The following HMCN2 variants were observed in gnomAD, a reference collection of about 807,000 sequenced individuals.
The protein encoded by HMCN2 is hemicentin 2.
In HMCN2, 325 loss-of-function variants were observed where a neutral mutation model predicts 377.5. That is an observed-to-expected ratio of 0.86 (90% CI 0.79 to 0.94). The LOEUF (loss-of-function observed/expected upper bound fraction) is 0.94, where lower values mean the gene tolerates loss of function less well. HMCN2 is among the 40% of genes least tolerant of loss of function. HMCN2 has a pLI of 0.00. For synonymous variants in HMCN2, 2,007 were observed against 2,046.8 expected, an observed-to-expected ratio of 0.98 and a Z score of 0.53; for missense variants, 4,543 against 4,725.3, an observed-to-expected ratio of 0.96 and a Z score of 1.13.
At chr9:130,324,616 G>A (rs1838030105) in intron 19 of HMCN2, among the ~76,000 whole-genome samples, 2 of 151,934 alleles carry the variant, frequency 1.3e-5, no homozygotes, top group East Asian at 3.9e-4. Flanking sequence ...TTCCCTCTTA[G>A]TGGTTTTTTA....
At chr9:130,376,785 C>T (rs1379355794) in intron 52 of HMCN2, 127 bp downstream of exon 52, 1 of 348,988 alleles carries the variant, frequency 2.9e-6, no homozygotes, top group South Asian at 1.2e-4. Flanking sequence ...GCCCCAGTCA[C>T]CCTTTATTTA....
At chr9:130,397,774 C>A in intron 74 of HMCN2, 119 bp downstream of exon 74, 1 of 921,562 alleles carries the variant, frequency 1.1e-6, no homozygotes, top group Non-Finnish European at 1.4e-6. Flanking sequence ...TGTTTTTGAC[C>A]ATGAAGCCCA....
intron 82 of HMCN2, chr9:130,407,264 AG>A: frequency 5.7e-6 from 1 of 174,184 alleles, no homozygotes; most frequent in Non-Finnish European, 1.2e-5. Flanking sequence ...AAAAAAAAAA[AG>A]AAACCTTCTC....
intron 73 of HMCN2, 60 bp from the exon 74 acceptor site, chr9:130,397,468 C>G: frequency 7.9e-7 from 1 of 1,267,752 alleles, no homozygotes; most frequent in Non-Finnish European, 1.0e-6. Context: ...TTGCTAGAGA[C>G]AGCCTTGCTC....
chr9:130,308,942 G>A lies in HMCN2; in HGVS notation c.2201-970G>A, dbSNP rs1336465081. Among the ~76,000 whole-genome samples the A allele has an allele frequency of 6.6e-6, 1 of 152,238 alleles. No homozygotes were observed. The highest frequency in any genetic ancestry group is 1.5e-5 in the Non-Finnish European group (1 of 68,052). On this transcript the variant is annotated intron_variant, in intron 14 of 97. Transcript: ENST00000683500. The surrounding 1 kb of genome is among the most constrained non-coding windows in gnomAD (Gnocchi z 4.1). ...AGTGGTGTTCGCCAGGGACTGGGGA[G>A]AGGAGAACACCAGGAGTTAGTGTTG...
intron 15 of HMCN2, among the ~76,000 whole-genome samples, chr9:130,315,729 G>A (rs970278518): frequency 9.2e-5 from 14 of 152,142 alleles, no homozygotes; most frequent in Non-Finnish European, 1.8e-4. Context: ...CCGACCATCA[G>A]GCTGCTGGCC....
rs1839589887 is a variant in HMCN2 at position 130,349,608 on chromosome 9, C to T, written c.4375C>T (p.Gln1459Ter). 7.7e-7 allele frequency: 1 copy of T among 1,303,992 alleles called. No individual in the cohort carries two copies. Among genetic ancestry groups the T allele is most frequent in the South Asian group, 1.2e-5 (1 of 81,024 alleles). The allele number at this position is 1,303,992 out of a possible 1,614,324, so 80.8% of individuals were successfully genotyped here. ...ATTGGCCGGTGCAGACGTGGAGCTG[C>T]AGTGTTGGACCTCAGGGGTCCCCAC... ...LGLAGADVEL[Q>*]CWTSGVPTPQ... is the part of the protein sequence containing the mutation. The change falls in exon 29 of 98, where the codon CAG becomes TAG. Residue 1459 changes from glutamine to a stop codon, truncating the protein, a stop_gained. Coordinates refer to ENST00000683500, the MANE Select transcript of HMCN2 (RefSeq NM_001291815.2). LOFTEE classifies it high-confidence loss of function.
rs192774403 is a variant in HMCN2, at chr9:130,281,822, G to A, written c.260-2781G>A. Among the ~76,000 whole-genome samples the A allele has an allele frequency of 8.6e-5, 13 of 151,242 alleles. No individual in the cohort carries two copies. The East Asian group carries it at 1.8e-3, about 20-fold the overall frequency. On this transcript the variant is annotated intron_variant, in intron 1 of 97. Coordinates refer to ENST00000683500, the MANE Select transcript of HMCN2 (RefSeq NM_001291815.2). ...GGAGAATCACCTGAACCCAGGAGGC[G>A]GAGGCTGCAGTGAGCCGAGATTGCA...
At chr9:130,355,428 C>A (rs531394115) in intron 32 of HMCN2, among the ~76,000 whole-genome samples, 10 of 152,358 alleles carry the variant, frequency 6.6e-5, no homozygotes, top group African/African-American at 1.7e-4. Context: ...ATTGCTGAAG[C>A]ATCTCAGGTC....
chr9:130,293,183 G>A (rs1835896678), intron 4 of HMCN2, among the ~76,000 whole-genome samples: 1 of 149,628 alleles, frequency 6.7e-6, no homozygotes, highest in South Asian at 2.1e-4. Flanking sequence ...TGAAAATATT[G>A]ACATCTTTAC....
chr9:130,362,047 C>G lies in HMCN2; in HGVS notation c.5990C>G (p.Pro1997Arg). Residue 1997 changes from proline to arginine, a missense_variant, in exon 39 of 98, where the codon CCT becomes CGT. Pro to Arg is a moderately radical substitution (Grantham distance 103, BLOSUM62 -2). This residue lies in a region of HMCN2 where 1,032 missense variants were observed against 1,285.1 expected (regional missense o/e 0.80). Transcript: ENST00000683500. ...RITLPPSLPG[P>R]VLVNTPVRLT... is the part of the protein sequence containing the mutation. ...ACACTGCCACCCAGCCTGCCAGGCCCTGTGTTGGTCAACACCCCTGTCCGG... is the reference window on the plus strand; with the variant it reads ...ACACTGCCACCCAGCCTGCCAGGCCGTGTGTTGGTCAACACCCCTGTCCGG... The G allele has an allele frequency of 1.0e-6, 1 of 986,248 alleles. No individual in the cohort carries two copies. Among genetic ancestry groups the G allele is most frequent in the Non-Finnish European group, 1.2e-6 (1 of 830,198 alleles). The allele number at this position is 986,248 out of a possible 1,614,324, so 61.1% of individuals were successfully genotyped here.
intron 43 of HMCN2, 99 bp downstream of exon 43, chr9:130,366,094 A>G: frequency 2.2e-6 from 2 of 898,508 alleles, no homozygotes; most frequent in Non-Finnish European, 2.7e-6. Context: ...CCTAGCTGAG[A>G]TGGGGGGGTC....
intron 27 of HMCN2, 80 bp downstream of exon 27, chr9:130,348,755 G>C (rs922940878): frequency 1.6e-6 from 2 of 1,278,566 alleles, no homozygotes; most frequent in African/African-American, 3.0e-5. Flanking sequence ...ATTTCTGCGT[G>C]TGCCAAGGTG....
At chr9:130,426,760 A>T (rs1385573342) in intron 90 of HMCN2, among the ~76,000 whole-genome samples, 1 of 143,564 alleles carries the variant, frequency 7.0e-6, no homozygotes. Context: ...ATTTTTTGTG[A>T]TTTTTTTTTT....
intron 95 of HMCN2, chr9:130,430,815 A>G: frequency 1.7e-6 from 1 of 575,506 alleles, no homozygotes; most frequent in Non-Finnish European, 3.0e-6. Context: ...GATGGTGTGG[A>G]CTATTTTTTA....
intron 25 of HMCN2, among the ~76,000 whole-genome samples, chr9:130,344,662 GGTGT>G (rs1839245185): frequency 3.3e-5 from 5 of 150,162 alleles, no homozygotes; most frequent in Admixed American, 2.7e-4. Flanking sequence ...GTTTGTGTGT[GGTGT>G]GTGTATGTTG....
In HMCN2 at chr9:130,379,171, G is replaced by T. The variant is rs573633763; in HGVS notation, c.8213-78G>T. The stretch of plus-strand genomic sequence containing the variant: ...TGGATTTCCGCTTGGGAGAGGCTGG[G>T]ACGAGAATCTCCGTGAGCAGAGGTG... On this transcript the variant is annotated intron_variant, in intron 53 of 97. Transcript: ENST00000683500. 127 of 407,092 alleles carry T rather than the reference G, an allele frequency of 3.1e-4. 1 individual carries two copies. The South Asian group carries it at 0.012, about 38-fold the overall frequency. 25.2% of individuals were successfully genotyped at this position (407,092 alleles called of 1,614,324 possible). A position where few individuals can be genotyped will look rare whatever the true frequency, so the allele number is the denominator to read the frequency against.
In HMCN2 at chr9:130,433,786, G is replaced by T; in HGVS notation, c.*93G>T. 9.4e-7 allele frequency: 1 copy of T among 1,059,246 alleles called. No individual in the cohort carries two copies. The highest frequency in any genetic ancestry group is 1.3e-6 in the Non-Finnish European group (1 of 775,646). 65.6% of individuals were successfully genotyped at this position (1,059,246 alleles called of 1,614,324 possible). On this transcript the variant is annotated 3_prime_UTR_variant, in exon 98 of 98. Transcript: ENST00000683500. ...CACGCCACCTGCTGTGGCAAGCGGA[G>T]CGTCATCGTCTCCCGCCCCGTGCGT...
At chr9:130,392,173 G>A in intron 66 of HMCN2, 55 bp downstream of exon 66, 1 of 984,148 alleles carries the variant, frequency 1.0e-6, no homozygotes, top group Non-Finnish European at 1.2e-6. Context: ...GACATGTGGG[G>A]ATTGTCAGCA....
Sources: gnomAD v4.1 joint callset for allele counts (sites outside exome capture counted in the v4.1 genomes callset) on GRCh38, gnomAD v4.1.1 for gene constraint, gnomAD v4.1.1 regional missense constraint, Gnocchi (gnomAD v3.1) non-coding constraint, MANE v1.5 for transcripts, NCBI Gene and HGNC (gene_info 2026-07-23, HGNC 2026-07-21) for gene names.